Variants in TRIM71 observed in about 807,000 individuals in gnomAD.
TRIM71 encodes the protein tripartite motif containing 71.
In TRIM71, 9 loss-of-function variants were observed where a neutral mutation model predicts 61.2. That is an observed-to-expected ratio of 0.15 (90% CI 0.09 to 0.26). TRIM71 has a LOEUF of 0.26. Among genes scored for constraint, TRIM71 ranks in the 10% least tolerant of loss-of-function variants. The pLI is 1.00. For missense variants in TRIM71, 998 were observed against 1,238.7 expected, an observed-to-expected ratio of 0.81 and a Z score of 2.92; for synonymous variants, 645 against 553.2, an observed-to-expected ratio of 1.17 and a Z score of -2.33.
intron 3 of TRIM71, among the ~76,000 whole-genome samples, chr3:32,888,096 A>G (rs1478985163): frequency 2.0e-5 from 3 of 152,144 alleles, no homozygotes; most frequent in Non-Finnish European, 4.4e-5. Context: ...AAAATTCCAT[A>G]TTTCTAAATA....
At chr3:32,865,134 C>CT (rs1696718127) in intron 1 of TRIM71, among the ~76,000 whole-genome samples, 1 of 152,060 alleles carries the variant, frequency 6.6e-6, no homozygotes, top group African/African-American at 2.4e-5. Context: ...TTGAGACCAT[C>CT]CTGGCTAACA....
intron 2 of TRIM71, among the ~76,000 whole-genome samples, chr3:32,885,212 C>A (rs1221720843): frequency 6.6e-6 from 1 of 152,208 alleles, no homozygotes; most frequent in Non-Finnish European, 1.5e-5. Flanking sequence ...ACTTTGGAAT[C>A]CCTGATTTAA....
intron 2 of TRIM71, among the ~76,000 whole-genome samples, chr3:32,878,165 A>C (rs561473670): frequency 2.0e-5 from 3 of 152,198 alleles, no homozygotes; most frequent in Non-Finnish European, 4.4e-5. Context: ...TGTAGAATGG[A>C]TGTTGTGTTA....
At chr3:32,871,205 T>G (rs920495380) in intron 1 of TRIM71, among the ~76,000 whole-genome samples, 13 of 151,902 alleles carry the variant, frequency 8.6e-5, no homozygotes, top group Non-Finnish European at 1.9e-4. Flanking sequence ...CCCAGACAGG[T>G]CAAGAGAGGT....
chr3:32,818,186 T>G lies in TRIM71; in HGVS notation c.106T>G (p.Ser36Ala). 1 of 1,592,522 alleles carries G rather than the reference T, an allele frequency of 6.3e-7. No individual in the cohort carries two copies. The highest frequency in any genetic ancestry group is 8.5e-7 in the Non-Finnish European group (1 of 1,171,154). The change falls in exon 1 of 4, where the codon TCG becomes GCG. Residue 36 changes from serine to alanine, a missense_variant. Physicochemically the swap from Ser to Ala is moderately conservative, Grantham distance 99. Coordinates refer to ENST00000383763, the MANE Select transcript of TRIM71 (RefSeq NM_001039111.3). ...SSNSSASSSSSQTSTSSGGGG... is the reference protein window; with the variant it reads ...SSNSSASSSSAQTSTSSGGGG... Reference sequence around the variant, plus strand: ...CAACTCGTCCGCGTCGTCGTCCTCCTCGCAGACGTCCACGTCGTCGGGGGG... The same window carrying G: ...CAACTCGTCCGCGTCGTCGTCCTCCGCGCAGACGTCCACGTCGTCGGGGGG...
At chr3:32,877,036 A>T (rs1010632824) in intron 2 of TRIM71, among the ~76,000 whole-genome samples, 3 of 151,920 alleles carry the variant, frequency 2.0e-5, no homozygotes, top group Non-Finnish European at 4.4e-5. Flanking sequence ...TAGGTCTGTT[A>T]ATCTATAACG....
At chr3:32,826,020 CTGTT>C (rs1292647038) in intron 1 of TRIM71, among the ~76,000 whole-genome samples, 2 of 152,188 alleles carry the variant, frequency 1.3e-5, no homozygotes, top group African/African-American at 2.4e-5. Context: ...ACATTTGAAA[CTGTT>C]TGACTTAAAC....
rs558851517 is a variant in TRIM71, at chr3:32,881,984, C to T, written c.1021-3950C>T. On this transcript the variant is annotated intron_variant, in intron 2 of 3. Transcript: ENST00000383763. ...CAAAAGCTTTGAATCCCCCTTTGAA[C>T]CTGTTTGAAAAATGGAAGAAGCAAT... is the stretch of plus-strand genomic sequence containing the variant. Among the ~76,000 whole-genome samples the T allele has an allele frequency of 2.0e-5, 3 of 152,264 alleles. No homozygotes were observed. In the South Asian group the frequency reaches 6.2e-4, roughly 32 times the overall value.
intron 1 of TRIM71, among the ~76,000 whole-genome samples, chr3:32,869,424 TA>T (rs1696773233): frequency 6.6e-6 from 1 of 152,234 alleles, no homozygotes; most frequent in African/African-American, 2.4e-5. Flanking sequence ...TCTTCACTGA[TA>T]GGGGTAGTTG....
rs574450906 is a variant in TRIM71 at position 32,839,353 on chromosome 3, C to T, written c.852+20421C>T. On this transcript the variant is annotated intron_variant, in intron 1 of 3. Coordinates refer to ENST00000383763, the MANE Select transcript of TRIM71 (RefSeq NM_001039111.3). ...TCAAGTGATTCTCTTGCCTCAGCCT[C>T]TTGAGTAGCTGGGATTACAGGTGCG... Among the ~76,000 whole-genome samples, 69 of 152,094 alleles carry T rather than the reference C, an allele frequency of 4.5e-4. 1 individual carries two copies. Among genetic ancestry groups the T allele is most frequent in the African/African-American group, 1.6e-3 (67 of 41,472 alleles).
chr3:32,880,067 T>A (rs1449681529), intron 2 of TRIM71, among the ~76,000 whole-genome samples: 3 of 152,120 alleles, frequency 2.0e-5, no homozygotes, highest in Non-Finnish European at 2.9e-5. Context: ...ATTTTTATTT[T>A]TGAGACAGTC....
At chr3:32,871,058 G>A (rs543107293) in intron 1 of TRIM71, among the ~76,000 whole-genome samples, 7 of 151,452 alleles carry the variant, frequency 4.6e-5, no homozygotes, top group Admixed American at 2.0e-4. Flanking sequence ...GAGCTGCCAC[G>A]TCCAGCTACT....
chr3:32,871,357 TGAGAA>T (rs1459238989), intron 1 of TRIM71, among the ~76,000 whole-genome samples: 1 of 152,144 alleles, frequency 6.6e-6, no homozygotes, highest in Non-Finnish European at 1.5e-5. Context: ...ACAGCTGTCT[TGAGAA>T]GAGGGAAAGA....
At chr3:32,836,819 A>G (rs9844381) in intron 1 of TRIM71, among the ~76,000 whole-genome samples, 37,653 of 152,098 alleles carry the variant, frequency 0.25, 5,238 homozygotes, top group African/African-American at 0.38. Context: ...CTTCGTGGCC[A>G]TATACTGGTA....
At chr3:32,885,810 G>C in intron 2 of TRIM71, 124 bp from the exon 3 acceptor site, 1 of 1,349,622 alleles carries the variant, frequency 7.4e-7, no homozygotes, top group South Asian at 1.5e-5. Flanking sequence ...CCAAGGGAGT[G>C]AATCAAGTGG....
intron 1 of TRIM71, among the ~76,000 whole-genome samples, chr3:32,869,679 G>A (rs935426742): frequency 5.3e-5 from 8 of 151,990 alleles, no homozygotes; most frequent in African/African-American, 1.5e-4. Context: ...CATTCCTCCC[G>A]GCCTAGTCTC....
At position 32,818,146 on chromosome 3, in the gene TRIM71, G is replaced by C. The variant is rs780541285; in HGVS notation, c.66G>C (p.Pro22=). The C allele has an allele frequency of 5.0e-6, 8 of 1,610,736 alleles. No individual in the cohort carries two copies. Among genetic ancestry groups the C allele is most frequent in the Middle Eastern group, 1.6e-4 (1 of 6,074 alleles). ...TGTGCAAGGAGATGTGCGGCTCGCC[G>C]GCGCCGCTCTCCTCCAACTCGTCCG... is the stretch of plus-strand genomic sequence containing the variant. The part of the protein sequence containing the change: ...CLLCKEMCGS[P]APLSSNSSAS... Residue 22 remains proline, a synonymous_variant, in exon 1 of 4, where the codon CCG becomes CCC. Coordinates refer to ENST00000383763, the MANE Select transcript of TRIM71 (RefSeq NM_001039111.3).
intron 1 of TRIM71, among the ~76,000 whole-genome samples, chr3:32,835,632 A>AT (rs1424987427): frequency 3.3e-5 from 5 of 152,150 alleles, no homozygotes; most frequent in African/African-American, 1.2e-4. Flanking sequence ...ATAATATTTG[A>AT]TGTTTTTCAT....
At chr3:32,832,199 G>A (rs1433101411) in intron 1 of TRIM71, among the ~76,000 whole-genome samples, 1 of 152,174 alleles carries the variant, frequency 6.6e-6, no homozygotes, top group African/African-American at 2.4e-5. Context: ...ATGCACAGTG[G>A]TTCATGCCTG....
Sources: gnomAD v4.1 joint callset for allele counts (sites outside exome capture counted in the v4.1 genomes callset) on GRCh38, gnomAD v4.1.1 for gene constraint, MANE v1.5 for transcripts, NCBI Gene and HGNC (gene_info 2026-07-23, HGNC 2026-07-21) for gene names.